The following ADORA2B variants were observed in gnomAD, a reference collection of about 807,000 sequenced individuals.
ADORA2B encodes adenosine A2b receptor.
A neutral mutation model predicts 20.8 loss-of-function variants in ADORA2B; 18 were observed. The ratio of observed to expected loss-of-function variants is 0.87; its 90% CI spans 0.60 to 1.29. ADORA2B has a LOEUF of 1.29. ADORA2B is among the 50% of genes most tolerant of loss of function. The pLI is 0.00. For missense variants in ADORA2B, 441 were observed against 422.7 expected, an observed-to-expected ratio of 1.04 and a Z score of -0.38; for synonymous variants, 179 against 178.3, an observed-to-expected ratio of 1.00 and a Z score of -0.03.
intron 1 of ADORA2B, among the ~76,000 whole-genome samples, chr17:15,968,258 A>G (rs1970145402): frequency 6.6e-6 from 1 of 152,176 alleles, no homozygotes; most frequent in South Asian, 2.1e-4. Context: ...TCAACCAAAC[A>G]TGACTGAAAA....
chr17:15,958,597 C>T (rs1003057825), intron 1 of ADORA2B, among the ~76,000 whole-genome samples: 14 of 152,190 alleles, frequency 9.2e-5, no homozygotes, highest in African/African-American at 3.4e-4. Context: ...GGCCTCATCC[C>T]CGTCCTCTCT....
chr17:15,935,923 G>T, the ADORA2B span, among the ~76,000 whole-genome samples: 1 of 150,334 alleles, frequency 6.7e-6, no homozygotes, highest in Non-Finnish European at 1.5e-5. Context: ...CTGGAGGGTG[G>T]TGTCGTCATT....
chr17:15,913,994 C>T, the ADORA2B span, among the ~76,000 whole-genome samples: 4 of 152,150 alleles, frequency 2.6e-5, no homozygotes, highest in Non-Finnish European at 5.9e-5. Context: ...GCAGAGTCTT[C>T]GATCTTCTCA....
chr17:15,934,098 T>C, the ADORA2B span, among the ~76,000 whole-genome samples: 1 of 152,220 alleles, frequency 6.6e-6, no homozygotes, highest in East Asian at 1.9e-4. Flanking sequence ...ACTTTTTCTA[T>C]GTGTATTGAG....
At chr17:15,916,549 C>G in the ADORA2B span, among the ~76,000 whole-genome samples, 212 of 152,218 alleles carry the variant, frequency 1.4e-3, no homozygotes, top group African/African-American at 5.0e-3. Context: ...CTGGGGTCTG[C>G]AAGCTCCTGC....
intron 1 of ADORA2B, among the ~76,000 whole-genome samples, chr17:15,969,608 G>A (rs1429125786): frequency 6.6e-6 from 1 of 152,162 alleles, no homozygotes; most frequent in Non-Finnish European, 1.5e-5. Context: ...ATGCGTAGGG[G>A]GAAACCCTAA....
At chr17:15,934,333 A>G in the ADORA2B span, among the ~76,000 whole-genome samples, 2 of 152,060 alleles carry the variant, frequency 1.3e-5, no homozygotes, top group Non-Finnish European at 2.9e-5. Flanking sequence ...AGTTCAAGCA[A>G]TTCTGCCTCA....
chr17:15,947,682 GTACTAGGGCCCCCAGGGCTTCCCTC>G (rs1969826982), intron 1 of ADORA2B, among the ~76,000 whole-genome samples: 1 of 152,224 alleles, frequency 6.6e-6, no homozygotes, highest in Non-Finnish European at 1.5e-5. Flanking sequence ...TGGGAGAGGT[GTACTAGGGCCCCCAGGGCTTCCCTC>G]TCAGGGGCTG....
the ADORA2B span, among the ~76,000 whole-genome samples, chr17:15,936,215 A>G: frequency 2.0e-5 from 3 of 151,784 alleles, no homozygotes; most frequent in African/African-American, 4.8e-5. Context: ...CAGAATATCT[A>G]TTTGATTCTT....
the ADORA2B span, among the ~76,000 whole-genome samples, chr17:15,912,008 T>C: frequency 2.0e-5 from 3 of 151,918 alleles, no homozygotes; most frequent in African/African-American, 7.3e-5. Context: ...AGGTCAGAAG[T>C]TTGAGACCAG....
the ADORA2B span, among the ~76,000 whole-genome samples, chr17:15,875,466 A>T: frequency 3.3e-5 from 5 of 152,212 alleles, no homozygotes; most frequent in Non-Finnish European, 5.9e-5. Flanking sequence ...TCACATTAAG[A>T]TGCTGTGAGT....
chr17:15,971,368 C>G (rs1278343430), intron 1 of ADORA2B, among the ~76,000 whole-genome samples: 1 of 152,200 alleles, frequency 6.6e-6, no homozygotes, highest in African/African-American at 2.4e-5. Context: ...CTGGCCAAGA[C>G]AAATTCAGTG....
At chr17:15,882,587 A>C in the ADORA2B span, among the ~76,000 whole-genome samples, 5 of 152,240 alleles carry the variant, frequency 3.3e-5, no homozygotes, top group East Asian at 9.7e-4. Flanking sequence ...TCTAAAACAA[A>C]AGAAAGGTTC....
the ADORA2B span, among the ~76,000 whole-genome samples, chr17:15,854,637 GT>G: frequency 7.9e-5 from 12 of 152,288 alleles, no homozygotes; most frequent in Middle Eastern, 3.4e-3. Context: ...TTTGAAAACT[GT>G]ATACCATTAT....
chr17:15,916,655 T>G, the ADORA2B span, among the ~76,000 whole-genome samples: 1 of 152,160 alleles, frequency 6.6e-6, no homozygotes, highest in Non-Finnish European at 1.5e-5. Context: ...ACATCAGGGG[T>G]CAATCTTTAA....
chr17:15,884,838 G>A, the ADORA2B span, among the ~76,000 whole-genome samples: 1 of 152,200 alleles, frequency 6.6e-6, no homozygotes, highest in Admixed American at 6.5e-5. Context: ...CATTTGGGCT[G>A]ATTCTGTGTC....
intron 1 of ADORA2B, among the ~76,000 whole-genome samples, chr17:15,964,513 G>A (rs920135065): frequency 6.6e-6 from 1 of 151,138 alleles, no homozygotes; most frequent in Non-Finnish European, 1.5e-5. Flanking sequence ...GGAGGCTGAG[G>A]CAGGAGAATC....
chr17:15,861,710 G>C, the ADORA2B span, among the ~76,000 whole-genome samples: 1 of 152,206 alleles, frequency 6.6e-6, no homozygotes, highest in Non-Finnish European at 1.5e-5. Flanking sequence ...TCCCTAAGAG[G>C]TGGTCTTTGC....
At chr17:15,925,128 C>T in the ADORA2B span, among the ~76,000 whole-genome samples, 1 of 152,186 alleles carries the variant, frequency 6.6e-6, no homozygotes, top group Non-Finnish European at 1.5e-5. Flanking sequence ...CTCCACCTCC[C>T]GGGTTCAGGT....
Sources: gnomAD v4.1 joint callset for allele counts (sites outside exome capture counted in the v4.1 genomes callset) on GRCh38, gnomAD v4.1.1 for gene constraint, MANE v1.5 for transcripts, NCBI Gene and HGNC (gene_info 2026-07-23, HGNC 2026-07-21) for gene names.